Variants in TRIO observed in about 807,000 individuals in gnomAD.
TRIO encodes the protein triple functional domain protein.
A neutral mutation model predicts 351.9 loss-of-function variants in TRIO; 58 were observed. That is an observed-to-expected ratio of 0.16 (90% CI 0.13 to 0.21). TRIO has a LOEUF of 0.21. Among genes scored for constraint, TRIO ranks in the 10% least tolerant of loss-of-function variants. TRIO has a pLI of 1.00. For synonymous variants in TRIO, 1,758 were observed against 1,595.7 expected, an observed-to-expected ratio of 1.10 and a Z score of -2.42; for missense variants, 3,201 against 4,027.8, an observed-to-expected ratio of 0.79 and a Z score of 5.56.
chr5:14,238,485 C>T lies in TRIO; in HGVS notation c.158-32340C>T, dbSNP rs189797168. ...GCTCCACCAGCCCATGTGGGCCCTC[C>T]TGGGTCCCTGTGGGCCCCGTGCACC... On this transcript the variant is annotated intron_variant, in intron 1 of 56. Coordinates refer to ENST00000344204, the MANE Select transcript of TRIO (RefSeq NM_007118.4). 4.6e-5 allele frequency among the ~76,000 whole-genome samples: 7 copies of T among 152,300 alleles called. No individual in the cohort carries two copies. In the East Asian group the frequency reaches 1.4e-3, roughly 30 times the overall value.
chr5:14,369,586 G>C (rs753447409), intron 18 of TRIO, 63 bp downstream of exon 18: 33 of 1,522,332 alleles, frequency 2.2e-5, no homozygotes, highest in Non-Finnish European at 2.7e-5. Context: ...GGTGCGCGTG[G>C]CACAGTCATC....
At chr5:14,349,207 CAT>C (rs146839982) in intron 11 of TRIO, among the ~76,000 whole-genome samples, 3,349 of 148,834 alleles carry the variant, frequency 0.023, 41 homozygotes, top group Non-Finnish European at 0.033. Flanking sequence ...TGTGCACACA[CAT>C]GATCATGTGT....
At chr5:14,507,041 C>A in intron 55 of TRIO, 81 bp from the exon 56 acceptor site, 2 of 1,474,786 alleles carry the variant, frequency 1.4e-6, no homozygotes, top group East Asian at 2.4e-5. Context: ...GTGACAGGTC[C>A]GACATGTTTA....
chr5:14,390,730 A>G (rs1476165744), intron 26 of TRIO, among the ~76,000 whole-genome samples, 171 bp from the exon 27 acceptor site: 3 of 152,234 alleles, frequency 2.0e-5, no homozygotes, highest in Non-Finnish European at 4.4e-5. Flanking sequence ...CTGCAGCTGC[A>G]TGCTGTCAGA....
chr5:14,469,963 A>C (rs1397732639), intron 37 of TRIO, among the ~76,000 whole-genome samples: 1 of 152,026 alleles, frequency 6.6e-6, no homozygotes, highest in Admixed American at 6.5e-5. Context: ...CAGGTGGGGG[A>C]TGGGGGGTAC....
chr5:14,491,909 A>G (rs1362215367), intron 48 of TRIO, among the ~76,000 whole-genome samples: 1 of 152,220 alleles, frequency 6.6e-6, no homozygotes, highest in East Asian at 1.9e-4. Context: ...ATGCAAGTTC[A>G]TAAGAGGGAC....
In TRIO at chr5:14,461,071, C is replaced by T; in HGVS notation, c.5256C>T (p.Ser1752=). The T allele has an allele frequency of 6.3e-7, 1 of 1,577,628 alleles. No homozygotes were observed. Among genetic ancestry groups the T allele is most frequent in the South Asian group, 1.2e-5 (1 of 85,876 alleles). Reference sequence around the variant, plus strand: ...CCAGTCCACCCGCATCCGTGGCTTCCCTCCAGCCCCACATGATCGGGGCCC... The same window carrying T: ...CCAGTCCACCCGCATCCGTGGCTTCTCTCCAGCCCCACATGATCGGGGCCC... ...NDASPPASVA[S]LQPHMIGAQS... Residue 1752 remains serine, a synonymous_variant, in exon 35 of 57, where the codon TCC becomes TCT. Coordinates refer to ENST00000344204, the MANE Select transcript of TRIO (RefSeq NM_007118.4).
chr5:14,448,489 C>T (rs1752603086), intron 34 of TRIO, among the ~76,000 whole-genome samples: 1 of 152,222 alleles, frequency 6.6e-6, no homozygotes, highest in African/African-American at 2.4e-5. Context: ...CCGGATCTCC[C>T]CTGACCTCTG....
chr5:14,359,587 C>T lies in TRIO; in HGVS notation c.2391+56C>T, dbSNP rs547770786. ...CTGTGGGAGCCCTTGGCTTCCTCCA[C>T]AGCACCGGCGCCCTCTTGTCTCTGC... On this transcript the variant is annotated intron_variant, in intron 13 of 56. Transcript: ENST00000344204. 31 of 1,585,242 alleles carry T rather than the reference C, an allele frequency of 2.0e-5. No individual in the cohort carries two copies. The African/African-American group carries it at 3.9e-4, about 20-fold the overall frequency.
chr5:14,229,838 T>C (rs2152219815), intron 1 of TRIO, among the ~76,000 whole-genome samples: 1 of 152,350 alleles, frequency 6.6e-6, no homozygotes, highest in East Asian at 1.9e-4. Flanking sequence ...AATGCTTAGG[T>C]ATGACTGCTA....
intron 21 of TRIO, among the ~76,000 whole-genome samples, chr5:14,383,799 C>T (rs1355244714): frequency 6.6e-6 from 1 of 152,160 alleles, no homozygotes; most frequent in African/African-American, 2.4e-5. Context: ...TTTGATTTTT[C>T]ATCATGAGCT....
intron 15 of TRIO, among the ~76,000 whole-genome samples, chr5:14,365,551 G>A (rs1458478703): frequency 6.6e-6 from 1 of 152,214 alleles, no homozygotes; most frequent in Non-Finnish European, 1.5e-5. Flanking sequence ...GCCATCTGCA[G>A]TGTGGGTATT....
At position 14,297,514 on chromosome 5, in the gene TRIO, G is replaced by T. The variant is rs1358448831; in HGVS notation, c.1368+251G>T. On this transcript the variant is annotated intron_variant, in intron 7 of 56. Coordinates refer to ENST00000344204, the MANE Select transcript of TRIO (RefSeq NM_007118.4). ...AGAAATAAAAGTACCTGTTTGAGTG[G>T]ACTGTTGATGTAAATGTGATGCTAG... is the stretch of plus-strand genomic sequence containing the variant. The T allele has an allele frequency of 9.9e-6, 4 of 402,146 alleles. No individual in the cohort carries two copies. The Admixed American group carries it at 1.5e-4, about 15-fold the overall frequency. 24.9% of individuals were successfully genotyped at this position (402,146 alleles called of 1,614,324 possible).
Position 14,461,274 on chromosome 5 carries a change from A to G in TRIO, c.5459A>G (p.Asp1820Gly). ...ADAGSQKDSD[D>G]SAATPQDETV... ...GCCGGCTCGCAGAAGGACTCCGACG[A>G]CAGTGCGGCCACCCCGCAGGACGAG... Residue 1820 changes from aspartate to glycine, a missense_variant, in exon 35 of 57, where the codon GAC (aspartate) becomes GGC (glycine). Coordinates refer to ENST00000344204, the MANE Select transcript of TRIO (RefSeq NM_007118.4). 3 of 1,596,768 alleles carry G rather than the reference A, an allele frequency of 1.9e-6. No individual in the cohort carries two copies. Among genetic ancestry groups the G allele is most frequent in the Non-Finnish European group, 2.6e-6 (3 of 1,172,994 alleles).
Position 14,487,953 on chromosome 5 carries a change from G to A in TRIO, c.7325G>A (p.Gly2442Asp), listed in dbSNP as rs1554089000. ...GCCAAGGACGCGCGCGCTAGCCTGG[G>A]CACCCTGCCGCTTGGGAAGCCCCGG... ...APAKDARASL[G>D]TLPLGKPRAG... Residue 2442 changes from glycine to aspartate, a missense_variant, in exon 48 of 57, where the codon GGC (glycine) becomes GAC (aspartate). Gly to Asp is a moderately conservative substitution (Grantham distance 94). Coordinates refer to ENST00000344204, the MANE Select transcript of TRIO (RefSeq NM_007118.4). The A allele has an allele frequency of 4.5e-6, 7 of 1,548,936 alleles. No homozygotes were observed. Among genetic ancestry groups the A allele is most frequent in the Middle Eastern group, 1.9e-4 (1 of 5,194 alleles).
At chr5:14,353,421 C>T (rs999672658) in intron 11 of TRIO, among the ~76,000 whole-genome samples, 6 of 151,968 alleles carry the variant, frequency 3.9e-5, no homozygotes, top group African/African-American at 1.5e-4. Context: ...TGCCACCACG[C>T]CCAGCTATTT....
intron 1 of TRIO, among the ~76,000 whole-genome samples, chr5:14,209,548 T>TCGTA (rs1791753415): frequency 6.6e-6 from 1 of 152,180 alleles, no homozygotes; most frequent in African/African-American, 2.4e-5. Context: ...CATGCTTGTA[T>TCGTA]CGTACTGGGT....
At position 14,403,333 on chromosome 5, in the gene TRIO, T is replaced by TGTG. The variant is rs770641949; in HGVS notation, c.4716+2273_4716+2275dup. Among the ~76,000 whole-genome samples, 10 of 39,438 alleles carry TGTG rather than the reference T, an allele frequency of 2.5e-4. 1 individual carries two copies. The South Asian group carries it at 4.1e-3, about 16-fold the overall frequency. The allele number at this position is 39,438 out of a possible 152,430, so 25.9% of individuals were successfully genotyped here. On this transcript the variant is annotated intron_variant, in intron 31 of 56. Coordinates refer to ENST00000344204, the MANE Select transcript of TRIO (RefSeq NM_007118.4). Reference sequence around the variant, plus strand: ...AGGTTGTGGTGGTGAGGGTGTAGGTTGTGGTGAGGGTGCAGCTTGTGAGGG... The same window carrying TGTG: ...AGGTTGTGGTGGTGAGGGTGTAGGTTGTGGTGGTGAGGGTGCAGCTTGTGAGGG...
chr5:14,264,131 G>C (rs1795511310), intron 1 of TRIO, among the ~76,000 whole-genome samples: 1 of 152,046 alleles, frequency 6.6e-6, no homozygotes, highest in South Asian at 2.1e-4. Flanking sequence ...AACCTTAAGA[G>C]TTCTACAGAT....
Sources: gnomAD v4.1 joint callset for allele counts (sites outside exome capture counted in the v4.1 genomes callset) on GRCh38, gnomAD v4.1.1 for gene constraint, MANE v1.5 for transcripts, NCBI Gene and HGNC (gene_info 2026-07-23, HGNC 2026-07-21) for gene names.